The following PPM1G variants were observed in gnomAD, a reference collection of about 807,000 sequenced individuals.
The protein encoded by PPM1G is protein phosphatase 1G.
In PPM1G, 12 loss-of-function variants were observed where a neutral mutation model predicts 59.4. That is an observed-to-expected ratio of 0.20 (90% CI 0.13 to 0.33). PPM1G has a LOEUF of 0.33. Among genes scored for constraint, PPM1G ranks in the 10% least tolerant of loss-of-function variants. The pLI is 1.00. For synonymous variants in PPM1G, 245 were observed against 251.9 expected, an observed-to-expected ratio of 0.97 and a Z score of 0.26; for missense variants, 392 against 681.3, an observed-to-expected ratio of 0.58 and a Z score of 4.73.
At position 27,381,704 on chromosome 2, in the gene PPM1G, C is replaced by G; in HGVS notation, c.1536G>C (p.Glu512Asp). 2 of 1,614,054 alleles carry G rather than the reference C, an allele frequency of 1.2e-6. No individual in the cohort carries two copies. The highest frequency in any genetic ancestry group is 1.7e-6 in the Non-Finnish European group (2 of 1,180,024). ...TTCGCTTGCCACTCTCTGGCTGGAG[C>G]TCTGCTGTGTTTCGGGGCTTGAAGC... ...IICFKPRNTA[E>D]LQPESGKRKL... Residue 512 changes from glutamate to aspartate, a missense_variant, in exon 10 of 10, where the codon GAG (glutamate) becomes GAC (aspartate). Physicochemically the swap from Glu to Asp is conservative, Grantham distance 45. Transcript: ENST00000344034.
rs150374069 is a variant in PPM1G, at chr2:27,402,962, A to ATAT, written c.120+6338_120+6340dup. On this transcript the variant is annotated intron_variant, in intron 1 of 9. Coordinates refer to ENST00000344034, the MANE Select transcript of PPM1G (RefSeq NM_177983.3). ...TAGCCAGTCATGGTGGCATGTGCCT[A>ATAT]TATTAGGCTGAGGCTGGAAGACCCC... Among the ~76,000 whole-genome samples, 147 of 151,498 alleles carry ATAT rather than the reference A, an allele frequency of 9.7e-4. 2 individuals are homozygous for ATAT. In the East Asian group the frequency reaches 0.027, roughly 28 times the overall value.
In PPM1G at chr2:27,409,546, G is replaced by A; in HGVS notation, c.-124C>T. 1 of 1,245,972 alleles carries A rather than the reference G, an allele frequency of 8.0e-7. No individual in the cohort carries two copies. Among genetic ancestry groups the A allele is most frequent in the Non-Finnish European group, 1.0e-6 (1 of 971,362 alleles). 77.2% of individuals were successfully genotyped at this position (1,245,972 alleles called of 1,614,324 possible). Reference sequence around the variant, plus strand: ...GGCGCGACCGACGCAAGGTGCCGGTGAAAGGCGCGAGGCCGGCCAGGAGGC... The same window carrying A: ...GGCGCGACCGACGCAAGGTGCCGGTAAAAGGCGCGAGGCCGGCCAGGAGGC... On this transcript the variant is annotated 5_prime_UTR_variant, in exon 1 of 10. Coordinates refer to ENST00000344034, the MANE Select transcript of PPM1G (RefSeq NM_177983.3).
intron 1 of PPM1G, among the ~76,000 whole-genome samples, chr2:27,403,604 T>A (rs951060119): frequency 6.6e-6 from 1 of 150,988 alleles, no homozygotes; most frequent in Non-Finnish European, 1.5e-5. Flanking sequence ...AAAGAAATTC[T>A]GGCCAGGCGC....
rs772129314 is a variant in PPM1G, at chr2:27,381,743, G to A, written c.1497C>T (p.Thr499=). The change falls in exon 10 of 10, where the codon ACC becomes ACT. Residue 499 remains threonine (T), a synonymous_variant. Transcript: ENST00000344034. ...GGGGCTTGAAGCAAATGATGATGCA[G>A]GTCATGTTGTCACACCCTGTACCAT... ...SGDGTGCDNM[T]CIIICFKPRN... 1 of 1,613,786 alleles carries A rather than the reference G, an allele frequency of 6.2e-7. No homozygotes were observed. Among genetic ancestry groups the A allele is most frequent in the Non-Finnish European group, 8.5e-7 (1 of 1,180,022 alleles).
In PPM1G at chr2:27,384,048, C is replaced by A. The variant is rs972171057; in HGVS notation, c.870G>T (p.Glu290Asp). The A allele has an allele frequency of 3.1e-6, 5 of 1,612,478 alleles. No individual in the cohort carries two copies. Among genetic ancestry groups the A allele is most frequent in the Non-Finnish European group, 4.2e-6 (5 of 1,179,312 alleles). Reference sequence around the variant, plus strand: ...CGGTGTCATCCTCATCTTCCTCATTCTCTGCCTCCTCACTGCTGTAGCCAT... The same window carrying A: ...CGGTGTCATCCTCATCTTCCTCATTATCTGCCTCCTCACTGCTGTAGCCAT... The part of the protein sequence containing the change: ...EEDGYSSEEA[E>D]NEEDEDDTEE... The change falls in exon 6 of 10, where the codon GAG (glutamate) becomes GAT (aspartate). Residue 290 changes from glutamate (E) to aspartate (D), a missense_variant. Around this residue, in one of 6 missense-constraint regions of PPM1G, gnomAD observed 188 missense variants for 248.8 expected, o/e 0.76. Coordinates refer to ENST00000344034, the MANE Select transcript of PPM1G (RefSeq NM_177983.3). The surrounding 1 kb of genome is among the most constrained non-coding windows in gnomAD (Gnocchi z 4.8).
chr2:27,388,287 T>C (rs76823937), intron 1 of PPM1G, among the ~76,000 whole-genome samples: 10,001 of 151,388 alleles, frequency 0.066, 411 homozygotes, highest in African/African-American at 0.11. Context: ...TGTGCGCCCG[T>C]AGTCCCAGCT....
intron 1 of PPM1G, among the ~76,000 whole-genome samples, chr2:27,401,178 A>G (rs904523474): frequency 2.6e-5 from 4 of 152,354 alleles, no homozygotes; most frequent in Admixed American, 2.6e-4. Context: ...ACTTATTCTT[A>G]AATCTACTAC....
intron 1 of PPM1G, among the ~76,000 whole-genome samples, chr2:27,399,324 T>G (rs992098098): frequency 6.6e-5 from 10 of 152,116 alleles, no homozygotes; most frequent in African/African-American, 2.4e-4. Flanking sequence ...ACAAAGACTT[T>G]GAACAGACAT....
chr2:27,403,445 T>C (rs1051678055), intron 1 of PPM1G, among the ~76,000 whole-genome samples: 108 of 152,004 alleles, frequency 7.1e-4, no homozygotes, highest in African/African-American at 2.6e-3. Flanking sequence ...AAACTCCAAC[T>C]TAAAAAAATA....
intron 1 of PPM1G, among the ~76,000 whole-genome samples, chr2:27,402,929 A>T (rs1375213042): frequency 1.3e-5 from 2 of 151,230 alleles, no homozygotes; most frequent in Admixed American, 6.6e-5. Context: ...AACTTAAAAA[A>T]AAAAAATTAG....
At chr2:27,386,093 G>T in intron 3 of PPM1G, 101 bp downstream of exon 3, 1 of 1,263,552 alleles carries the variant, frequency 7.9e-7, no homozygotes, top group South Asian at 1.3e-5. Flanking sequence ...GAGTAAATAA[G>T]CAGCAGCAGC....
Position 27,383,923 on chromosome 2 carries a change from A to G in PPM1G, c.966+29T>C. On this transcript the variant is annotated intron_variant, in intron 6 of 9. Coordinates refer to ENST00000344034, the MANE Select transcript of PPM1G (RefSeq NM_177983.3). The surrounding 1 kb of genome is among the most constrained non-coding windows in gnomAD (Gnocchi z 5.0). ...ATTCACACCTGCCTTGTGGCTTTTC[A>G]AGACTCATTGCTCCCCTTCCCCACA... The G allele has an allele frequency of 6.4e-7, 1 of 1,551,238 alleles. No individual in the cohort carries two copies. Among genetic ancestry groups the G allele is most frequent in the Non-Finnish European group, 8.7e-7 (1 of 1,146,632 alleles).
chr2:27,408,960 G>T (rs758194497), intron 1 of PPM1G, among the ~76,000 whole-genome samples: 1 of 152,202 alleles, frequency 6.6e-6, no homozygotes, highest in African/African-American at 2.4e-5. Flanking sequence ...CCCTATTTGC[G>T]TCTTTACTCC....
At chr2:27,399,950 CAA>C (rs56786173) in intron 1 of PPM1G, among the ~76,000 whole-genome samples, 16 of 107,104 alleles carry the variant, frequency 1.5e-4, no homozygotes, top group Admixed American at 3.7e-4. Flanking sequence ...TTTATAATAG[CAA>C]AAAAAAAAAA....
intron 1 of PPM1G, among the ~76,000 whole-genome samples, chr2:27,400,696 T>C (rs1227284681): frequency 2.0e-5 from 3 of 152,216 alleles, no homozygotes; most frequent in Admixed American, 6.5e-5. Flanking sequence ...AGTCATTAAT[T>C]TGAGATGGAG....
At chr2:27,387,206 T>G (rs1005286524) in intron 1 of PPM1G, 48 bp from the exon 2 acceptor site, 2 of 1,500,144 alleles carry the variant, frequency 1.3e-6, no homozygotes, top group African/African-American at 2.8e-5. Flanking sequence ...CGAAGAATAT[T>G]CCTCAGGTCA....
At chr2:27,399,471 G>A (rs753606256) in intron 1 of PPM1G, among the ~76,000 whole-genome samples, 2 of 152,012 alleles carry the variant, frequency 1.3e-5, no homozygotes, top group East Asian at 1.9e-4. Flanking sequence ...TCAGGAGTTC[G>A]ACACCAGCCT....
At position 27,395,607 on chromosome 2, in the gene PPM1G, C is replaced by T. The variant is rs139043815; in HGVS notation, c.121-8449G>A. On this transcript the variant is annotated intron_variant, in intron 1 of 9. Transcript: ENST00000344034. ...TCTCTAATCTCATTATTTTGGGAGGCTGAGGTGGGAGGATCACTTGTGCTC... is the reference window on the plus strand; with the variant it reads ...TCTCTAATCTCATTATTTTGGGAGGTTGAGGTGGGAGGATCACTTGTGCTC... Among the ~76,000 whole-genome samples, 15 of 152,098 alleles carry T rather than the reference C, an allele frequency of 9.9e-5. No individual in the cohort carries two copies. The East Asian group carries it at 2.9e-3, about 29-fold the overall frequency.
intron 1 of PPM1G, among the ~76,000 whole-genome samples, chr2:27,406,555 G>A (rs79531548): frequency 0.047 from 7,116 of 152,282 alleles, 562 homozygotes; most frequent in African/African-American, 0.16. Context: ...CTCTCAGGAG[G>A]AAGATTAGGA....
Sources: allele counts gnomAD v4.1 joint callset (sites outside exome capture counted in the v4.1 genomes callset), GRCh38; gene constraint gnomAD v4.1.1; regional missense constraint gnomAD v4.1.1; non-coding constraint Gnocchi (gnomAD v3.1); transcripts MANE v1.5; gene names NCBI Gene and HGNC (gene_info 2026-07-23, HGNC 2026-07-21).